TIA1: variants seen among roughly 807,000 people sequenced by gnomAD.
The protein encoded by TIA1 is TIA1 cytotoxic granule associated RNA binding protein, also known as cytotoxic granule associated RNA binding protein TIA1.
In TIA1, 23 loss-of-function variants were observed where a neutral mutation model predicts 65.9. The observed-to-expected ratio is 0.35, with a 90% CI of 0.25 to 0.49. The LOEUF (loss-of-function observed/expected upper bound fraction) is 0.49. TIA1 is among the 20% of genes least tolerant of loss of function. The probability of loss-of-function intolerance (pLI) is 0.98; values close to 1 mark genes in which losing one functional copy is unlikely to be tolerated. For missense variants in TIA1, 371 were observed against 477.9 expected (o/e 0.78, Z 2.09); for synonymous variants, 147 against 149.4 (o/e 0.98, Z 0.12).
At chr2:70,223,684 G>A (rs1293640380) in intron 7 of TIA1, among the ~76,000 whole-genome samples, 1 of 151,210 alleles carries the variant, frequency 6.6e-6, no homozygotes, top group Non-Finnish European at 1.5e-5. Flanking sequence ...AAAGTGCTGG[G>A]ATTACAGGTG....
chr2:70,214,612 G>T (rs1677736862), intron 11 of TIA1, 118 bp from the exon 12 acceptor site: 33 of 500,408 alleles, frequency 6.6e-5, no homozygotes, highest in Admixed American at 3.0e-4. Context: ...AAAATGACAG[G>T]ATAAACAAGA....
At position 70,216,061 on chromosome 2, in the gene TIA1, A is replaced by C; in HGVS notation, c.764+147T>G. The C allele has an allele frequency of 4.9e-6, 4 of 811,574 alleles. No homozygotes were observed. In the South Asian group the frequency reaches 7.1e-5, roughly 14 times the overall value. 50.3% of individuals were successfully genotyped at this position (811,574 alleles called of 1,614,324 possible). A position where few individuals can be genotyped will look rare whatever the true frequency, so the allele number is the denominator to read the frequency against. ...GCCACCGCACCCGGCCAAAATTTCA[A>C]CTTTTTTATAACCAAGGTAAATTTT... On this transcript the variant is annotated intron_variant, in intron 10 of 12. Transcript: ENST00000433529.
At chr2:70,221,394 CAGG>C (rs887721251) in intron 7 of TIA1, among the ~76,000 whole-genome samples, 1 of 151,810 alleles carries the variant, frequency 6.6e-6, no homozygotes, top group African/African-American at 2.4e-5. Flanking sequence ...GGATTGAGGC[CAGG>C]AGTTCGAGGC....
chr2:70,225,241 T>C, intron 6 of TIA1: 1 of 1,130,478 alleles, frequency 8.8e-7, no homozygotes, highest in Non-Finnish European at 1.1e-6. Context: ...CACTGAATTT[T>C]ATAATAGCAT....
chr2:70,218,578 T>C (rs911964845), intron 7 of TIA1, among the ~76,000 whole-genome samples: 1 of 152,150 alleles, frequency 6.6e-6, no homozygotes, highest in African/African-American at 2.4e-5. Flanking sequence ...GGCTAATTTT[T>C]TTTTGTATTT....
rs544141426 is a variant in TIA1, at chr2:70,234,462, C to T, written c.123+1617G>A. ...AATGTGATAGAATAAAAGAACATAA[C>T]TCTTTGTTGATTTCATCTATATAAT... is the stretch of plus-strand genomic sequence containing the variant. On this transcript the variant is annotated intron_variant, in intron 2 of 12. Transcript: ENST00000433529. Among the ~76,000 whole-genome samples, 329 of 152,284 alleles carry T rather than the reference C, an allele frequency of 2.2e-3. 2 individuals carry two copies. The highest frequency in any genetic ancestry group is 3.6e-3 in the Non-Finnish European group (245 of 68,016).
In TIA1 at chr2:70,212,016, C is replaced by A. The variant is rs1038750347; in HGVS notation, c.*703G>T. 6.6e-6 allele frequency: 1 copy of A among 152,550 alleles called. No individual in the cohort carries two copies. Among genetic ancestry groups the A allele is most frequent in the African/African-American group, 2.4e-5 (1 of 41,436 alleles). 9.4% of individuals were successfully genotyped at this position (152,550 alleles called of 1,614,324 possible). ...CAAATCCAACAGGAAATTCTTGAGG[C>A]ACCTTCTCATATAAAACACAAGATG... On this transcript the variant is annotated 3_prime_UTR_variant, in exon 13 of 13. Coordinates refer to ENST00000433529, the MANE Select transcript of TIA1 (RefSeq NM_022173.4).
intron 2 of TIA1, among the ~76,000 whole-genome samples, chr2:70,233,434 C>T (rs188735461): frequency 1.3e-4 from 20 of 152,190 alleles, no homozygotes; most frequent in African/African-American, 4.6e-4. Flanking sequence ...ATTCTATTAC[C>T]AAGATCAATG....
intron 7 of TIA1, among the ~76,000 whole-genome samples, chr2:70,221,473 A>C (rs1276685111): frequency 6.6e-6 from 1 of 152,036 alleles, no homozygotes; most frequent in African/African-American, 2.4e-5. Context: ...CTCTCTCCAA[A>C]AAAAAAAGAG....
At chr2:70,232,075 G>A (rs913952411) in intron 2 of TIA1, among the ~76,000 whole-genome samples, 2 of 151,568 alleles carry the variant, frequency 1.3e-5, no homozygotes, top group Admixed American at 1.3e-4. Flanking sequence ...GGTGGCGGGC[G>A]CCTGTAGTCC....
chr2:70,216,296 T>C lies in TIA1; in HGVS notation c.680-4A>G. The stretch of plus-strand genomic sequence containing the variant: ...AAAGTCTGACGCATTAGTTGTTCTG[T>C]TAGACAAAAAACCAAAACAAACAAA... On this transcript the variant is annotated splice_region_variant and splice_polypyrimidine_tract_variant and intron_variant, in intron 9 of 12. Coordinates refer to ENST00000433529, the MANE Select transcript of TIA1 (RefSeq NM_022173.4). 1 of 1,588,480 alleles carries C rather than the reference T, an allele frequency of 6.3e-7. No homozygotes were observed. The highest frequency in any genetic ancestry group is 8.5e-7 in the Non-Finnish European group (1 of 1,172,610).
At chr2:70,246,600 G>A (rs1033001909) in intron 1 of TIA1, among the ~76,000 whole-genome samples, 3 of 151,980 alleles carry the variant, frequency 2.0e-5, no homozygotes, top group Non-Finnish European at 4.4e-5. Context: ...AAAAGTTGAG[G>A]ACAGGCCAGG....
intron 1 of TIA1, among the ~76,000 whole-genome samples, chr2:70,247,722 AT>A (rs1310882137): frequency 6.6e-6 from 1 of 152,202 alleles, no homozygotes; most frequent in African/African-American, 2.4e-5. Context: ...GACTATAAAA[AT>A]AATATTAAAT....
In TIA1 at chr2:70,227,812, A is replaced by G. The variant is rs759209695; in HGVS notation, c.321T>C (p.His107=). ...VSTQRSQDHF[H]VFVGDLSPEI... is the part of the protein sequence containing the mutation. ...CTGGGCTGAGATCACCAACAAAGAC[A>G]TGGAAATGATCTTATAAGGGGAAGG... The change falls in exon 6 of 13, where the codon CAT becomes CAC. Residue 107 remains histidine (H), a synonymous_variant. Coordinates refer to ENST00000433529, the MANE Select transcript of TIA1 (RefSeq NM_022173.4). The G allele has an allele frequency of 3.7e-5, 60 of 1,602,110 alleles. No individual in the cohort carries two copies. Among genetic ancestry groups the G allele is most frequent in the Non-Finnish European group, 5.0e-5 (59 of 1,172,538 alleles).
chr2:70,215,822 C>G (rs188733396), intron 10 of TIA1, among the ~76,000 whole-genome samples: 1 of 151,982 alleles, frequency 6.6e-6, no homozygotes, highest in African/African-American at 2.4e-5. Context: ...GATCTTGGCT[C>G]ACTGCAACCT....
chr2:70,219,592 C>T (rs1680266472), intron 7 of TIA1, among the ~76,000 whole-genome samples: 1 of 152,148 alleles, frequency 6.6e-6, no homozygotes. Context: ...CCACCTCAGC[C>T]TCCTAGTAGC....
intron 6 of TIA1, among the ~76,000 whole-genome samples, chr2:70,226,403 C>G (rs972791673): frequency 2.6e-5 from 4 of 152,122 alleles, no homozygotes; most frequent in African/African-American, 9.7e-5. Context: ...AAAATAGCTA[C>G]TTAATCTGTT....
Position 70,227,819 on chromosome 2 carries a change from T to C in TIA1, c.314A>G (p.His105Arg). The C allele has an allele frequency of 6.2e-7, 1 of 1,600,480 alleles. No individual in the cohort carries two copies. Among genetic ancestry groups the C allele is most frequent in the Non-Finnish European group, 8.5e-7 (1 of 1,171,708 alleles). The change falls in exon 6 of 13, where the codon CAT becomes CGT. Residue 105 changes from histidine (H) to arginine (R), a missense_variant. Transcript: ENST00000433529. Reference sequence around the variant, plus strand: ...GAGATCACCAACAAAGACATGGAAATGATCTTATAAGGGGAAGGAAGGGGA... The same window carrying C: ...GAGATCACCAACAAAGACATGGAAACGATCTTATAAGGGGAAGGAAGGGGA... Reference protein sequence around the residue: ...TVVSTQRSQDHFHVFVGDLSP... With the variant: ...TVVSTQRSQDRFHVFVGDLSP...
Position 70,243,373 on chromosome 2 carries a change from G to A in TIA1, c.26+5032C>T, listed in dbSNP as rs115352314. ...GCCTGAGAGGTCGAGGCTACAGTGAGCTGTGATCACACCACTGCGCCAGAG... is the reference window on the plus strand; with the variant it reads ...GCCTGAGAGGTCGAGGCTACAGTGAACTGTGATCACACCACTGCGCCAGAG... On this transcript the variant is annotated intron_variant, in intron 1 of 12. Coordinates refer to ENST00000433529, the MANE Select transcript of TIA1 (RefSeq NM_022173.4). Among the ~76,000 whole-genome samples, 451 of 152,270 alleles carry A rather than the reference G, an allele frequency of 3.0e-3. 4 individuals are homozygous for A. The highest frequency in any genetic ancestry group is 0.01 in the African/African-American group (428 of 41,548).
Sources: allele counts gnomAD v4.1 joint callset (sites outside exome capture counted in the v4.1 genomes callset), GRCh38; gene constraint gnomAD v4.1.1; transcripts MANE v1.5; gene names NCBI Gene and HGNC (gene_info 2026-07-23, HGNC 2026-07-21).